The following TCF4 variants were observed in gnomAD, a reference collection of about 807,000 sequenced individuals.
TCF4 encodes transcription factor 4.
TCF4 carries 3 observed loss-of-function variants against 82.1 expected under a neutral mutation model. That is an observed-to-expected ratio of 0.04 (90% CI 0.02 to 0.09). The LOEUF (loss-of-function observed/expected upper bound fraction) is 0.09. Ranked by LOEUF, TCF4 falls within the 10% of genes least tolerant of loss-of-function variation. The probability of loss-of-function intolerance (pLI) is 1.00; values close to 1 mark genes in which losing one functional copy is unlikely to be tolerated. For missense variants in TCF4, 518 were observed against 852.7 expected, an observed-to-expected ratio of 0.61 and a Z score of 4.89; for synonymous variants, 276 against 309.6, an observed-to-expected ratio of 0.89 and a Z score of 1.14.
In TCF4 at chr18:55,261,463, C is replaced by T; in HGVS notation, c.990+3G>A. The T allele has an allele frequency of 6.2e-7, 1 of 1,613,884 alleles. No homozygotes were observed. The highest frequency in any genetic ancestry group is 8.5e-7 in the Non-Finnish European group (1 of 1,179,806). On this transcript the variant is annotated splice_donor_region_variant and intron_variant, in intron 12 of 19. Coordinates refer to ENST00000354452, the MANE Select transcript of TCF4 (RefSeq NM_001083962.2). Reference sequence around the variant, plus strand: ...ATGGAGTCCAAAGTCAATATTTCCTCACCGAAGCAAGTGCTTTCCCCAGAG... The same window carrying T: ...ATGGAGTCCAAAGTCAATATTTCCTTACCGAAGCAAGTGCTTTCCCCAGAG...
intron 3 of TCF4, among the ~76,000 whole-genome samples, chr18:55,464,856 T>C (rs563645541): frequency 6.6e-6 from 1 of 152,322 alleles, no homozygotes; most frequent in African/African-American, 2.4e-5. Flanking sequence ...AAGACCTACA[T>C]GAACCATCGA....
At chr18:55,297,606 T>C (rs1288282294) in intron 8 of TCF4, among the ~76,000 whole-genome samples, 1 of 152,144 alleles carries the variant, frequency 6.6e-6, no homozygotes, top group East Asian at 1.9e-4. Flanking sequence ...AATTTTTCAC[T>C]CCATTAGGCA....
rs149477248 is a variant in TCF4 at position 55,261,283 on chromosome 18, A to ACTAT, written c.990+179_990+182dup. ...ACCATTTTGAGGATGAGAGAAAGAG[A>ACTAT]CTATATACTGGAAGCTTCAGAGCCT... On this transcript the variant is annotated intron_variant, in intron 12 of 19. Coordinates refer to ENST00000354452, the MANE Select transcript of TCF4 (RefSeq NM_001083962.2). 30,697 of 723,922 alleles carry ACTAT rather than the reference A, an allele frequency of 0.042. 2,024 individuals carry two copies. Among genetic ancestry groups the ACTAT allele is most frequent in the African/African-American group, 0.24 (13,390 of 56,954 alleles). 44.8% of individuals were successfully genotyped at this position (723,922 alleles called of 1,614,324 possible).
At chr18:55,259,908 A>C in intron 13 of TCF4, 41 bp downstream of exon 13, 15 of 1,535,002 alleles carry the variant, frequency 9.8e-6, no homozygotes, top group Non-Finnish European at 1.4e-5. Context: ...AATCATTCTT[A>C]TAAACTGTTA....
chr18:55,631,383 CA>C lies in TCF4; in HGVS notation c.200del (p.Met67SerfsTer46). ...TGTTCTTAGATTGGTGTTTACAAAACATTTGCTGCAGGGTGGAGAAAAGATG... is the reference window on the plus strand; with the variant it reads ...TGTTCTTAGATTGGTGTTTACAAAACTTTGCTGCAGGGTGGAGAAAAGATG... On this transcript the variant is annotated frameshift_variant, in exon 2 of 21. Coordinates refer to the TCF4 transcript ENST00000398339. LOFTEE classifies it high-confidence loss of function. 1 of 1,547,672 alleles carries C rather than the reference CA, an allele frequency of 6.5e-7. No homozygotes were observed. Among genetic ancestry groups the C allele is most frequent in the Non-Finnish European group, 8.7e-7 (1 of 1,145,054 alleles).
chr18:55,456,470 A>G (rs533252517), intron 5 of TCF4, among the ~76,000 whole-genome samples: 7 of 152,310 alleles, frequency 4.6e-5, no homozygotes, highest in Admixed American at 4.6e-4. Context: ...GTACAAAAGT[A>G]TCGCTTTTCA....
intron 8 of TCF4, among the ~76,000 whole-genome samples, chr18:55,335,178 C>T (rs1259904485): frequency 6.6e-6 from 1 of 151,654 alleles, no homozygotes; most frequent in Non-Finnish European, 1.5e-5. Flanking sequence ...GCAAGGATCT[C>T]CAAATATCAT....
chr18:55,251,870 T>TG (rs2145395583), intron 15 of TCF4, among the ~76,000 whole-genome samples: 1 of 149,894 alleles, frequency 6.7e-6, no homozygotes, highest in South Asian at 2.1e-4. Flanking sequence ...AATTCAAATG[T>TG]GGAAAACATT....
chr18:55,366,107 G>A (rs2145405285), intron 6 of TCF4, among the ~76,000 whole-genome samples: 1 of 152,168 alleles, frequency 6.6e-6, no homozygotes, highest in South Asian at 2.1e-4. Flanking sequence ...AAAGAAGGAA[G>A]ACATTTATTT....
In TCF4 at chr18:55,583,093, T is replaced by C. The variant is rs79703067; in HGVS notation, c.145+2187A>G. ...ACTCCAATCTGTACCCTACATATTA[T>C]AATCACCATCATACTACATGAAATG... is the stretch of plus-strand genomic sequence containing the variant. On this transcript the variant is annotated intron_variant, in intron 3 of 19. Transcript: ENST00000354452. Among the ~76,000 whole-genome samples, 1,395 of 152,254 alleles carry C rather than the reference T, an allele frequency of 9.2e-3. 10 individuals carry two copies. The highest frequency in any genetic ancestry group is 0.015 in the Non-Finnish European group (1,052 of 67,982).
intron 3 of TCF4, among the ~76,000 whole-genome samples, chr18:55,467,606 G>A (rs2096060000): frequency 6.6e-6 from 1 of 152,080 alleles, no homozygotes; most frequent in South Asian, 2.1e-4. Flanking sequence ...TTGCTGTCTG[G>A]GTTGCTGGTT....
At chr18:55,522,577 G>A (rs895374897) in intron 3 of TCF4, among the ~76,000 whole-genome samples, 1 of 152,072 alleles carries the variant, frequency 6.6e-6, no homozygotes, top group Non-Finnish European at 1.5e-5. Flanking sequence ...AACTAAAAAT[G>A]CATTAACAAA....
intron 15 of TCF4, among the ~76,000 whole-genome samples, chr18:55,250,538 G>A (rs996307006): frequency 2.0e-5 from 3 of 152,196 alleles, no homozygotes; most frequent in East Asian, 1.9e-4. Flanking sequence ...TTTAAATCCC[G>A]CTGCAGGACT....
At chr18:55,571,398 C>T (rs2097465416) in intron 3 of TCF4, among the ~76,000 whole-genome samples, 1 of 152,140 alleles carries the variant, frequency 6.6e-6, no homozygotes, top group South Asian at 2.1e-4. Context: ...TTAAAAAGGG[C>T]ATGAGAATGT....
intron 6 of TCF4, among the ~76,000 whole-genome samples, chr18:55,396,864 CA>C (rs1438494854): frequency 6.6e-6 from 1 of 152,024 alleles, no homozygotes; most frequent in African/African-American, 2.4e-5. Context: ...AAATATGAAA[CA>C]TGAAACTGAT....
chr18:55,263,949 C>T (rs1222584982), intron 11 of TCF4, among the ~76,000 whole-genome samples: 1 of 151,956 alleles, frequency 6.6e-6, no homozygotes, highest in Non-Finnish European at 1.5e-5. Context: ...ACAGTAGTGG[C>T]TTTCAAAAGA....
intron 8 of TCF4, among the ~76,000 whole-genome samples, chr18:55,309,578 A>G (rs1198258270): frequency 6.6e-6 from 1 of 152,210 alleles, no homozygotes; most frequent in Non-Finnish European, 1.5e-5. Flanking sequence ...GTCTGAAAGA[A>G]CCGAAGCTTA....
chr18:55,291,501 T>C (rs995141512), intron 8 of TCF4, among the ~76,000 whole-genome samples: 2 of 152,138 alleles, frequency 1.3e-5, no homozygotes, highest in Admixed American at 6.6e-5. Context: ...ATCTTCCCTT[T>C]CATAAAGCTG....
intron 8 of TCF4, among the ~76,000 whole-genome samples, chr18:55,329,477 T>A (rs2077145462): frequency 6.6e-6 from 1 of 152,202 alleles, no homozygotes; most frequent in Non-Finnish European, 1.5e-5. Context: ...AAAGAGATAA[T>A]GTGCAATTTT....
Sources: allele counts gnomAD v4.1 joint callset (sites outside exome capture counted in the v4.1 genomes callset), GRCh38; gene constraint gnomAD v4.1.1; transcripts MANE v1.5; gene names NCBI Gene and HGNC (gene_info 2026-07-23, HGNC 2026-07-21).